Variants in SLC9A8 observed in about 807,000 individuals in gnomAD.
SLC9A8 encodes solute carrier family 9 member A8.
A neutral mutation model predicts 66.6 loss-of-function variants in SLC9A8; 48 were observed. The observed-to-expected ratio is 0.72, with a 90% CI of 0.57 to 0.92. The LOEUF (loss-of-function observed/expected upper bound fraction) is 0.92, where lower values mean the gene tolerates loss of function less well. Among genes scored for constraint, SLC9A8 ranks in the 40% least tolerant of loss-of-function variants. SLC9A8 has a pLI of 0.00. For missense variants in SLC9A8, 599 were observed against 747.3 expected (o/e 0.80, Z 2.31); for synonymous variants, 274 against 282.6 (o/e 0.97, Z 0.31).
intron 11 of SLC9A8, among the ~76,000 whole-genome samples, chr20:49,876,120 TAAGG>T (rs1424395645): frequency 6.6e-6 from 1 of 152,072 alleles, no homozygotes; most frequent in African/African-American, 2.4e-5. Flanking sequence ...CTTCAGCAGA[TAAGG>T]AGGCTCAGGT....
rs1403971688 is a variant in SLC9A8 at position 49,822,971 on chromosome 20, C to T, written c.209-90C>T. On this transcript the variant is annotated intron_variant, in intron 2 of 15. Transcript: ENST00000361573. ...CAATTGTCCATTTCTGTGAGGACCC[C>T]CCCAGAAATAACCACTGACTTGAAC... The T allele has an allele frequency of 5.8e-6, 6 of 1,033,912 alleles. No individual in the cohort carries two copies. The East Asian group carries it at 9.5e-5, about 16-fold the overall frequency. The allele number at this position is 1,033,912 out of a possible 1,614,324, so 64.0% of individuals were successfully genotyped here.
At chr20:49,830,430 G>C (rs1600663428) in intron 3 of SLC9A8, 1 of 836,388 alleles carries the variant, frequency 1.2e-6, no homozygotes, top group East Asian at 2.5e-5. Flanking sequence ...GGATCCCAAG[G>C]CGGCCAAGGA....
In SLC9A8 at chr20:49,890,213, A is replaced by C. The variant is rs1017494358; in HGVS notation, c.*2277A>C. ...GAGAGTGCCCCCAAGAGATGAGGGCACCCCGTGTTCCTTGGCAATCTTGGC... is the reference window on the plus strand; with the variant it reads ...GAGAGTGCCCCCAAGAGATGAGGGCCCCCCGTGTTCCTTGGCAATCTTGGC... On this transcript the variant is annotated 3_prime_UTR_variant, in exon 16 of 16. Coordinates refer to ENST00000361573, the MANE Select transcript of SLC9A8 (RefSeq NM_015266.3). 5 of 152,078 alleles carry C rather than the reference A, an allele frequency of 3.3e-5. No homozygotes were observed. Among genetic ancestry groups the C allele is most frequent in the Admixed American group, 3.3e-4 (5 of 15,270 alleles). 9.4% of individuals were successfully genotyped at this position (152,078 alleles called of 1,614,324 possible). A position where few individuals can be genotyped will look rare whatever the true frequency, so the allele number is the denominator to read the frequency against.
Position 49,877,931 on chromosome 20 carries a change from T to G in SLC9A8, c.1076-50T>G, listed in dbSNP as rs754044110. The G allele has an allele frequency of 3.9e-6, 5 of 1,287,594 alleles. No homozygotes were observed. The Admixed American group carries it at 1.1e-4, about 28-fold the overall frequency. The allele number at this position is 1,287,594 out of a possible 1,614,324, so 79.8% of individuals were successfully genotyped here. A position where few individuals can be genotyped will look rare whatever the true frequency, so the allele number is the denominator to read the frequency against. ...GCTTGCTTAATAGTTTAGTACCATATTGGAATGAAATCATTGGGGTTGAAT... is the reference window on the plus strand; with the variant it reads ...GCTTGCTTAATAGTTTAGTACCATAGTGGAATGAAATCATTGGGGTTGAAT... On this transcript the variant is annotated intron_variant, in intron 11 of 15. Coordinates refer to ENST00000361573, the MANE Select transcript of SLC9A8 (RefSeq NM_015266.3).
At chr20:49,827,558 C>G (rs988730218) in intron 3 of SLC9A8, among the ~76,000 whole-genome samples, 1 of 149,094 alleles carries the variant, frequency 6.7e-6, no homozygotes, top group African/African-American at 2.5e-5. Flanking sequence ...GAGCTGAGAT[C>G]GTGCCACTGC....
intron 3 of SLC9A8, among the ~76,000 whole-genome samples, chr20:49,833,760 T>C (rs889633594): frequency 1.3e-5 from 2 of 152,158 alleles, no homozygotes; most frequent in African/African-American, 4.8e-5. Flanking sequence ...TTAGAAGTAA[T>C]TGAAAGTGAC....
intron 3 of SLC9A8, chr20:49,829,529 A>G (rs2087081875): frequency 3.5e-6 from 1 of 286,290 alleles, no homozygotes; most frequent in Non-Finnish European, 6.8e-6. Flanking sequence ...TCTCAAAAAA[A>G]AAAAAGAACC....
At chr20:49,862,819 TATGAATGA>T (rs3092598) in intron 8 of SLC9A8, 102 bp from the exon 9 acceptor site, 99 of 758,030 alleles carry the variant, frequency 1.3e-4, no homozygotes, top group Non-Finnish European at 1.9e-4. Flanking sequence ...TGAATGATGG[TATGAATGA>T]ATGAATGAAT....
intron 8 of SLC9A8, among the ~76,000 whole-genome samples, chr20:49,860,921 G>A (rs671130): frequency 0.33 from 49,671 of 151,798 alleles, 9,357 homozygotes; most frequent in South Asian, 0.57. Flanking sequence ...CATGGAATGA[G>A]GCACGACAGT....
chr20:49,886,916 C>A lies in SLC9A8; in HGVS notation c.1638+18C>A, dbSNP rs1298824420. The A allele has an allele frequency of 6.2e-7, 1 of 1,608,846 alleles. No individual in the cohort carries two copies. Among genetic ancestry groups the A allele is most frequent in the Non-Finnish European group, 8.5e-7 (1 of 1,176,718 alleles). On this transcript the variant is annotated intron_variant, in intron 15 of 15. Coordinates refer to ENST00000361573, the MANE Select transcript of SLC9A8 (RefSeq NM_015266.3). The surrounding 1 kb of genome is among the most constrained non-coding windows in gnomAD (Gnocchi z 4.8). The stretch of plus-strand genomic sequence containing the variant: ...CGCAGGAGGTGGGATACCGGCCAGG[C>A]CACACTTTCTGGGGGTCCCTTGCCT...
intron 10 of SLC9A8, among the ~76,000 whole-genome samples, chr20:49,867,542 G>A (rs914900137): frequency 6.6e-6 from 1 of 152,142 alleles, no homozygotes; most frequent in African/African-American, 2.4e-5. Context: ...TTACTGATCA[G>A]TATCAGTCAA....
At chr20:49,839,432 C>T (rs2087674134) in intron 3 of SLC9A8, 109 bp from the exon 4 acceptor site, 2 of 608,626 alleles carry the variant, frequency 3.3e-6, no homozygotes, top group Non-Finnish European at 5.7e-6. Flanking sequence ...GTGCCCCAAC[C>T]ACCTTGGGCA....
intron 9 of SLC9A8, chr20:49,863,904 T>G (rs1436803647): frequency 1.3e-5 from 2 of 152,252 alleles, no homozygotes; most frequent in Non-Finnish European, 2.9e-5. Flanking sequence ...TTTTGCCTGG[T>G]TACAGGCATG....
chr20:49,850,942 C>T lies in SLC9A8; in HGVS notation c.569+98C>T. The stretch of plus-strand genomic sequence containing the variant: ...TGGGTGTGGTACTGTTCTATTCTCT[C>T]TCTGTGTATTTATTTTTGGTAAGGA... On this transcript the variant is annotated intron_variant, in intron 7 of 15. Coordinates refer to ENST00000361573, the MANE Select transcript of SLC9A8 (RefSeq NM_015266.3). The T allele has an allele frequency of 6.7e-6, 5 of 750,936 alleles. No individual in the cohort carries two copies. In the South Asian group the frequency reaches 1.3e-4, roughly 20 times the overall value. The allele number at this position is 750,936 out of a possible 1,614,324, so 46.5% of individuals were successfully genotyped here. A position where few individuals can be genotyped will look rare whatever the true frequency, so the allele number is the denominator to read the frequency against.
chr20:49,847,017 A>C (rs2088025524), intron 5 of SLC9A8, among the ~76,000 whole-genome samples: 1 of 152,254 alleles, frequency 6.6e-6, no homozygotes, highest in Non-Finnish European at 1.5e-5. Context: ...ATTTGTCTAG[A>C]AATGTTTGGT....
intron 11 of SLC9A8, among the ~76,000 whole-genome samples, chr20:49,877,767 T>C (rs1386195252): frequency 6.6e-6 from 1 of 152,180 alleles, no homozygotes; most frequent in Non-Finnish European, 1.5e-5. Context: ...CATTAAGAGA[T>C]TTCTGAATAC....
At chr20:49,829,585 A>C (rs2087086484) in intron 3 of SLC9A8, 1 of 372,284 alleles carries the variant, frequency 2.7e-6, no homozygotes, top group Non-Finnish European at 5.3e-6. Flanking sequence ...GGAACATAAG[A>C]TCATGCCTGG....
intron 14 of SLC9A8, among the ~76,000 whole-genome samples, chr20:49,884,370 G>A (rs575819253): frequency 3.6e-5 from 5 of 139,610 alleles, no homozygotes; most frequent in Admixed American, 7.4e-5. Context: ...AGGAGGTGAC[G>A]GAACTTGAGT....
chr20:49,816,141 C>T (rs1172634923), intron 2 of SLC9A8, among the ~76,000 whole-genome samples: 24 of 152,082 alleles, frequency 1.6e-4, no homozygotes, highest in Middle Eastern at 3.4e-3. Context: ...CATTTTGGGC[C>T]GAGTTTGGTG....
Sources: gnomAD v4.1 joint callset for allele counts (sites outside exome capture counted in the v4.1 genomes callset) on GRCh38, gnomAD v4.1.1 for gene constraint, Gnocchi (gnomAD v3.1) non-coding constraint, MANE v1.5 for transcripts, NCBI Gene and HGNC (gene_info 2026-07-23, HGNC 2026-07-21) for gene names.